MEF2B: variants seen among roughly 807,000 people sequenced by gnomAD.
MEF2B encodes the protein myocyte enhancer factor 2B.
MEF2B carries 15 observed loss-of-function variants against 32.2 expected under a neutral mutation model. That is an observed-to-expected ratio of 0.47 (90% CI 0.31 to 0.72). The LOEUF is 0.72. Among genes scored for constraint, MEF2B ranks in the 30% least tolerant of loss-of-function variants. MEF2B has a pLI of 0.05. For missense variants in MEF2B, 441 were observed against 511.5 expected (o/e 0.86, Z 1.33); for synonymous variants, 205 against 225.6 (o/e 0.91, Z 0.82).
At position 19,145,928 on chromosome 19, in the gene MEF2B, C is replaced by T; in HGVS notation, c.976G>A (p.Ala326Thr). ...VSIKSERLSP[A>T]PGGPGDFPKT... ...GGAAAGTCGCCGGGGCCCCCGGGGGCCGGAGAGAGGCGCTCAGACTTGATG... is the reference window on the plus strand; with the variant it reads ...GGAAAGTCGCCGGGGCCCCCGGGGGTCGGAGAGAGGCGCTCAGACTTGATG... Residue 326 changes from alanine to threonine, a missense_variant, in exon 9 of 9, where the codon GCC becomes ACC. Ala to Thr is a moderately conservative substitution (Grantham distance 58, BLOSUM62 0). Transcript: ENST00000424583. The surrounding 1 kb of genome is among the most constrained non-coding windows in gnomAD (Gnocchi z 4.6). 1 of 1,439,934 alleles carries T rather than the reference C, an allele frequency of 6.9e-7. No individual in the cohort carries two copies. Among genetic ancestry groups the T allele is most frequent in the East Asian group, 2.7e-5 (1 of 37,522 alleles). The allele number at this position is 1,439,934 out of a possible 1,614,324, so 89.2% of individuals were successfully genotyped here.
At chr19:19,170,120 G>A in intron 1 of MEF2B, 85 bp downstream of exon 1, 1 of 397,966 alleles carries the variant, frequency 2.5e-6, no homozygotes, top group Non-Finnish European at 4.4e-6. Flanking sequence ...ACGCCCAGCA[G>A]TACACCCGGA....
intron 1 of MEF2B, among the ~76,000 whole-genome samples, chr19:19,166,781 G>C: frequency 6.7e-6 from 1 of 149,274 alleles, no homozygotes; most frequent in South Asian, 2.1e-4. Context: ...TCTTCCAGAA[G>C]GGCAGGGCGT....
chr19:19,150,644 A>T (rs1277685648), intron 2 of MEF2B, 38 bp downstream of exon 2: 1 of 1,613,424 alleles, frequency 6.2e-7, no homozygotes, highest in East Asian at 2.2e-5. Flanking sequence ...CCTGCTAGGA[A>T]TGTCTTTCCC....
At chr19:19,154,146 T>C (rs1161276663) in intron 1 of MEF2B, among the ~76,000 whole-genome samples, 1 of 151,904 alleles carries the variant, frequency 6.6e-6, no homozygotes, top group Non-Finnish European at 1.5e-5. Context: ...TTTCCTATTG[T>C]ATTTTATTTT....
chr19:19,168,581 GTTTCTTTTCTTTCTTTTTGTT>G (rs1469421908), intron 1 of MEF2B, among the ~76,000 whole-genome samples: 1 of 149,518 alleles, frequency 6.7e-6, no homozygotes, highest in Non-Finnish European at 1.5e-5. Context: ...CCATTTTTTT[GTTTCTTTTCTTTCTTTTTGTT>G]TTTCTTTTAG....
chr19:19,145,991 G>T lies in MEF2B; in HGVS notation c.913C>A (p.Pro305Thr). Residue 305 changes from proline (P) to threonine (T), a missense_variant, in exon 9 of 9, where the codon CCA (proline) becomes ACA (threonine). Transcript: ENST00000424583. The surrounding 1 kb of genome is among the most constrained non-coding windows in gnomAD (Gnocchi z 4.6). ...GTCGGCGGGGAGGCGCCGCGGGTTG[G>T]GGGACCCTCCTCGCCCAGGCTTCGG... ...GGRSLGEEGP[P>T]TRGASPPTPP... is the part of the protein sequence containing the mutation. 7.0e-7 allele frequency: 1 copy of T among 1,436,120 alleles called. No individual in the cohort carries two copies. The highest frequency in any genetic ancestry group is 9.1e-7 in the Non-Finnish European group (1 of 1,096,524). 89.0% of individuals were successfully genotyped at this position (1,436,120 alleles called of 1,614,324 possible).
Position 19,145,700 on chromosome 19 carries a change from T to C in MEF2B, c.*97A>G, listed in dbSNP as rs528204904. ...CCCACCGCGGAGGGGGGCGTCACTG[T>C]TGGGTCTTCTCTGAAGAGGCCTGGA... On this transcript the variant is annotated 3_prime_UTR_variant, in exon 9 of 9. Transcript: ENST00000424583. This position sits in a 1 kb window ranked among gnomAD's most constrained non-coding sequence, Gnocchi z 4.6. The C allele has an allele frequency of 8.4e-6, 13 of 1,553,928 alleles. No individual in the cohort carries two copies. In the East Asian group the frequency reaches 2.9e-4, roughly 34 times the overall value.
intron 1 of MEF2B, among the ~76,000 whole-genome samples, chr19:19,151,175 C>T (rs1249283693): frequency 6.6e-6 from 1 of 152,144 alleles, no homozygotes. Flanking sequence ...ATCACTTGAG[C>T]TGGGGAGGTT....
intron 2 of MEF2B, among the ~76,000 whole-genome samples, 200 bp downstream of exon 2, chr19:19,150,482 C>T (rs1387875576): frequency 2.0e-5 from 3 of 149,178 alleles, no homozygotes; most frequent in South Asian, 2.1e-4. Flanking sequence ...TGAGATTGCA[C>T]CATTGCACTC....
At chr19:19,170,020 C>T (rs2060241453) in intron 1 of MEF2B, among the ~76,000 whole-genome samples, 185 bp downstream of exon 1, 1 of 152,150 alleles carries the variant, frequency 6.6e-6, no homozygotes, top group Admixed American at 6.6e-5. Flanking sequence ...CAGACACACA[C>T]CCCTTGGAGA....
Position 19,146,343 on chromosome 19 carries a change from G to C in MEF2B, c.811C>G (p.Gln271Glu). The change falls in exon 8 of 9, where the codon CAG becomes GAG. Residue 271 changes from glutamine to glutamate, a missense_variant. Around this residue, in one of 2 missense-constraint regions of MEF2B, gnomAD observed 326 missense variants for 328.4 expected, o/e 0.99. Transcript: ENST00000424583. ...TGCCAGGGGGCCAGGGTGGGGGGCT[G>C]CAACAAGCCAGGGGGCGGTGGAGGG... ...GDPPPPPGLL[Q>E]PPTLAPWQPS... 1 of 1,172,532 alleles carries C rather than the reference G, an allele frequency of 8.5e-7. No homozygotes were observed. Among genetic ancestry groups the C allele is most frequent in the Non-Finnish European group, 1.1e-6 (1 of 884,352 alleles). The allele number at this position is 1,172,532 out of a possible 1,614,324, so 72.6% of individuals were successfully genotyped here.
At chr19:19,166,931 C>T (rs1490313583) in intron 1 of MEF2B, among the ~76,000 whole-genome samples, 3 of 151,758 alleles carry the variant, frequency 2.0e-5, no homozygotes, top group Non-Finnish European at 1.5e-5. Context: ...GGGCCAGGTG[C>T]GGTGGCTCAC....
At chr19:19,154,452 G>A (rs779781846) in intron 1 of MEF2B, among the ~76,000 whole-genome samples, 1 of 149,954 alleles carries the variant, frequency 6.7e-6, no homozygotes, top group Non-Finnish European at 1.5e-5. Flanking sequence ...ATGAGCCACC[G>A]CGCCCAGCCT....
At chr19:19,150,632 C>T (rs772522990) in intron 2 of MEF2B, 50 bp downstream of exon 2, 4 of 1,612,262 alleles carry the variant, frequency 2.5e-6, no homozygotes, top group South Asian at 1.1e-5. Flanking sequence ...TAGGCCATGC[C>T]CCCTGCTAGG....
rs2060022380 is a variant in MEF2B at position 19,146,011 on chromosome 19, C to T, written c.893G>A (p.Ser298Asn). 2.1e-6 allele frequency: 3 copies of T among 1,431,930 alleles called. No individual in the cohort carries two copies. The highest frequency in any genetic ancestry group is 2.7e-6 in the Non-Finnish European group (3 of 1,093,960). 88.7% of individuals were successfully genotyped at this position (1,431,930 alleles called of 1,614,324 possible). The change falls in exon 9 of 9, where the codon AGC (serine) becomes AAC (asparagine). Residue 298 changes from serine to asparagine, a missense_variant. By Grantham distance (46) the Ser-to-Asn change is conservative (BLOSUM62 1). Transcript: ENST00000424583. ...GGTTGGGGGACCCTCCTCGCCCAGGCTTCGGCCCCCACTGCAGGGGGAAAG... is the reference window on the plus strand; with the variant it reads ...GGTTGGGGGACCCTCCTCGCCCAGGTTTCGGCCCCCACTGCAGGGGGAAAG... ...AVSSQPSGGR[S>N]LGEEGPPTRG...
chr19:19,147,572 A>G lies in MEF2B; in HGVS notation c.393+126T>C. 2.6e-6 allele frequency: 4 copies of G among 1,532,726 alleles called. 1 individual carries two copies. The highest frequency in any genetic ancestry group is 3.5e-6 in the Non-Finnish European group (4 of 1,141,350). 94.9% of individuals were successfully genotyped at this position (1,532,726 alleles called of 1,614,324 possible). The stretch of plus-strand genomic sequence containing the variant: ...TCAAAGAAGCCTTTCCTGACCAACC[A>G]GGTAGAGACCTGCCTCCAAACTCTA... On this transcript the variant is annotated intron_variant, in intron 4 of 8. Coordinates refer to ENST00000424583, the MANE Select transcript of MEF2B (RefSeq NM_001145785.2).
intron 1 of MEF2B, among the ~76,000 whole-genome samples, chr19:19,153,060 C>CG (rs1454687091): frequency 1.3e-5 from 2 of 152,182 alleles, no homozygotes; most frequent in Non-Finnish European, 2.9e-5. Context: ...GGGGGGTGGA[C>CG]GGGGGCCTTG....
chr19:19,155,562 T>C (rs2060114581), intron 1 of MEF2B, among the ~76,000 whole-genome samples: 1 of 152,176 alleles, frequency 6.6e-6, no homozygotes, highest in South Asian at 2.1e-4. Flanking sequence ...CCTCAACAAC[T>C]TCCTCTCAGA....
chr19:19,151,538 G>A (rs1047414724), intron 1 of MEF2B, among the ~76,000 whole-genome samples: 2 of 152,112 alleles, frequency 1.3e-5, no homozygotes, highest in East Asian at 1.9e-4. Context: ...TCCTGCAGCC[G>A]CCGCCCTCTG....
Sources: gnomAD v4.1 joint callset for allele counts (sites outside exome capture counted in the v4.1 genomes callset) on GRCh38, gnomAD v4.1.1 for gene constraint, gnomAD v4.1.1 regional missense constraint, Gnocchi (gnomAD v3.1) non-coding constraint, MANE v1.5 for transcripts, NCBI Gene and HGNC (gene_info 2026-07-23, HGNC 2026-07-21) for gene names.